The following KCTD2 variants were observed in gnomAD, a reference collection of about 807,000 sequenced individuals.
The protein encoded by KCTD2 is BTB/POZ domain-containing protein KCTD2.
In KCTD2, 18 loss-of-function variants were observed where a neutral mutation model predicts 27.9. The ratio of observed to expected loss-of-function variants is 0.64; its 90% CI spans 0.45 to 0.96. The LOEUF is 0.96. Ranked by LOEUF, KCTD2 falls within the 40% of genes least tolerant of loss-of-function variation. KCTD2 has a pLI of 0.00. For missense variants in KCTD2, 280 were observed against 348.0 expected (o/e 0.80, Z 1.56); for synonymous variants, 175 against 148.4 (o/e 1.18, Z -1.30).
At position 75,065,663 on chromosome 17, in the gene KCTD2, G is replaced by T. The variant is rs11538852; in HGVS notation, c.*2616G>T. ...AAAGTGACTTTGTTTCTGCACAGTT[G>T]TAACTGCTCTTGGGGATGTCAGTGA... On this transcript the variant is annotated 3_prime_UTR_variant, in exon 6 of 6. Coordinates refer to ENST00000322444, the MANE Select transcript of KCTD2 (RefSeq NM_015353.3). 12,718 of 152,236 alleles carry T rather than the reference G, an allele frequency of 0.084. 851 individuals carry two copies. Among genetic ancestry groups the T allele is most frequent in the African/African-American group, 0.18 (7,662 of 41,466 alleles). The allele number at this position is 152,236 out of a possible 1,614,324, so 9.4% of individuals were successfully genotyped here. A position where few individuals can be genotyped will look rare whatever the true frequency, so the allele number is the denominator to read the frequency against.
chr17:75,061,192 G>A (rs912786339), intron 4 of KCTD2, among the ~76,000 whole-genome samples: 6 of 152,298 alleles, frequency 3.9e-5, no homozygotes, highest in East Asian at 1.9e-4. Flanking sequence ...TCAGACAGGC[G>A]GAGGCGCCCC....
intron 1 of KCTD2, among the ~76,000 whole-genome samples, chr17:75,048,542 C>T (rs1480541440): frequency 6.6e-6 from 1 of 152,130 alleles, no homozygotes; most frequent in Non-Finnish European, 1.5e-5. Context: ...ATTTCAAAAC[C>T]CTTGCTTATA....
At chr17:75,039,080 T>C in intron 3 of KCTD2, 2 of 1,613,614 alleles carry the variant, frequency 1.2e-6, no homozygotes, top group Non-Finnish European at 1.7e-6. Context: ...AGAGGGGGAA[T>C]GTGTTTAGTT....
intron 2 of KCTD2, among the ~76,000 whole-genome samples, chr17:75,034,424 C>T (rs1451418551): frequency 3.9e-5 from 6 of 152,326 alleles, no homozygotes; most frequent in South Asian, 4.1e-4. Flanking sequence ...AGCACAGCCC[C>T]TCTCGACACC....
chr17:75,062,187 C>G lies in KCTD2; in HGVS notation c.704C>G (p.Ser235Cys), dbSNP rs1205379707. The G allele has an allele frequency of 1.2e-6, 2 of 1,613,764 alleles. No individual in the cohort carries two copies. Among genetic ancestry groups the G allele is most frequent in the Non-Finnish European group, 8.5e-7 (1 of 1,179,816 alleles). The change falls in exon 5 of 6, where the codon TCC (serine) becomes TGC (cysteine). Residue 235 changes from serine to cysteine, a missense_variant. Transcript: ENST00000322444. ...CAGGCAGAATTCCTCTGTGTTGTCT[C>G]CAGAGAACTAAATAATTCTACCAAT... ...EDQAEFLCVV[S>C]RELNNSTNGI...
intron 3 of KCTD2, chr17:75,040,185 A>G (rs2073145074): frequency 6.2e-7 from 1 of 1,611,448 alleles, no homozygotes; most frequent in Admixed American, 1.7e-5. Context: ...AGGGCACGGG[A>G]ACCTTCAGCG....
intron 1 of KCTD2, chr17:75,033,096 G>A (rs2040079765): frequency 6.6e-6 from 1 of 152,040 alleles, no homozygotes; most frequent in African/African-American, 2.4e-5. Context: ...TAAATCCTTC[G>A]GATGTGAGTA....
At chr17:75,060,554 G>A in intron 4 of KCTD2, 2 of 1,612,966 alleles carry the variant, frequency 1.2e-6, no homozygotes, top group Non-Finnish European at 1.7e-6. Context: ...CTTCTGTGTT[G>A]TCCTGGTTGA....
chr17:75,034,408 C>G (rs765903080), intron 2 of KCTD2, among the ~76,000 whole-genome samples: 3 of 152,172 alleles, frequency 2.0e-5, no homozygotes, highest in Non-Finnish European at 2.9e-5. Flanking sequence ...CAAAAGAAAC[C>G]TTGCGAGCAC....
upstream of KCTD2, among the ~76,000 whole-genome samples, chr17:75,042,891 A>G (rs1019506240): frequency 6.6e-6 from 1 of 151,926 alleles, no homozygotes; most frequent in Non-Finnish European, 1.5e-5. Flanking sequence ...AAAAAAAAAG[A>G]AAAAAAGACA....
intron 2 of KCTD2, among the ~76,000 whole-genome samples, chr17:75,050,459 C>T (rs530580124): frequency 6.6e-6 from 1 of 152,156 alleles, no homozygotes; most frequent in African/African-American, 2.4e-5. Context: ...GACAGGGTTT[C>T]ACCATGTTGA....
intron 5 of KCTD2, among the ~76,000 whole-genome samples, 184 bp from the exon 6 acceptor site, chr17:75,062,834 G>C (rs2073418117): frequency 6.6e-6 from 1 of 151,966 alleles, no homozygotes; most frequent in Non-Finnish European, 1.5e-5. Flanking sequence ...TTTAGACCCA[G>C]CTGTGCCCAG....
Position 75,053,155 on chromosome 17 carries a change from C to A in KCTD2, c.540+50C>A. 2.1e-6 allele frequency: 3 copies of A among 1,424,888 alleles called. No individual in the cohort carries two copies. In the South Asian group the frequency reaches 3.5e-5, roughly 16 times the overall value. The allele number at this position is 1,424,888 out of a possible 1,614,324, so 88.3% of individuals were successfully genotyped here. On this transcript the variant is annotated intron_variant, in intron 3 of 5. Coordinates refer to ENST00000322444, the MANE Select transcript of KCTD2 (RefSeq NM_015353.3). ...AGGGTTGTTTCAAGTGGGCTTCTGT[C>A]GGTCGGTCTGTGATTTGAAAAGGAT...
rs1350278934 is a variant in KCTD2, at chr17:75,064,258, A to G, written c.*1211A>G. 2 of 152,204 alleles carry G rather than the reference A, an allele frequency of 1.3e-5. No individual in the cohort carries two copies. The highest frequency in any genetic ancestry group is 2.9e-5 in the Non-Finnish European group (2 of 68,064). 9.4% of individuals were successfully genotyped at this position (152,204 alleles called of 1,614,324 possible). A position where few individuals can be genotyped will look rare whatever the true frequency, so the allele number is the denominator to read the frequency against. On this transcript the variant is annotated 3_prime_UTR_variant, in exon 6 of 6. Transcript: ENST00000322444. ...CTGCATCCACAGAGTTTGTGTCCAC[A>G]CTTTCTCTCCGAGCATGTGGGTCTC...
Position 75,047,517 on chromosome 17 carries a change from C to G in KCTD2, c.267C>G (p.Thr89=), listed in dbSNP as rs762298308. ...CCTACTTCGTGACCACCAGACAGAC[C>G]TTAGGCCGGGAGCCCAAGTCATTTC... ...GGTYFVTTRQ[T]LGREPKSFLC... Residue 89 remains threonine, a synonymous_variant, in exon 1 of 6, where the codon ACC becomes ACG. Coordinates refer to ENST00000322444, the MANE Select transcript of KCTD2 (RefSeq NM_015353.3). The G allele has an allele frequency of 6.2e-7, 1 of 1,611,738 alleles. No individual in the cohort carries two copies. The highest frequency in any genetic ancestry group is 8.5e-7 in the Non-Finnish European group (1 of 1,179,616).
In KCTD2 at chr17:75,062,150, G is replaced by A. The variant is rs374144823; in HGVS notation, c.667G>A (p.Gly223Ser). Residue 223 changes from glycine to serine, a missense_variant, in exon 5 of 6, where the codon GGC (glycine) becomes AGC (serine). Physicochemically the swap from Gly to Ser is moderately conservative, Grantham distance 56 (BLOSUM62 0). Transcript: ENST00000322444. ...CAGCATCGGATCTTCCTATAACTAC[G>A]GCAATGAGGATCAGGCAGAATTCCT... ...LISIGSSYNY[G>S]NEDQAEFLCV... The A allele has an allele frequency of 3.7e-6, 6 of 1,613,656 alleles. No homozygotes were observed. Among genetic ancestry groups the A allele is most frequent in the South Asian group, 2.2e-5 (2 of 91,042 alleles).
At chr17:75,054,143 G>A (rs12949352) in intron 3 of KCTD2, among the ~76,000 whole-genome samples, 12,280 of 151,486 alleles carry the variant, frequency 0.081, 783 homozygotes, top group African/African-American at 0.18. Context: ...TCAGCCTACC[G>A]AGTAGCTGGG....
Position 75,063,892 on chromosome 17 carries a change from A to G in KCTD2, c.*845A>G, listed in dbSNP as rs1242689167. ...CTGTCTTCCTTCCCTGGCTTTTTCA[A>G]CTGGACCAAAGATGAAGGCACTTAT... On this transcript the variant is annotated 3_prime_UTR_variant, in exon 6 of 6. Transcript: ENST00000322444. 1.3e-5 allele frequency: 2 copies of G among 152,718 alleles called. No homozygotes were observed. Among genetic ancestry groups the G allele is most frequent in the South Asian group, 2.1e-4 (1 of 4,832 alleles). 9.5% of individuals were successfully genotyped at this position (152,718 alleles called of 1,614,324 possible).
chr17:75,045,018 C>T (rs1023057898), upstream of KCTD2, among the ~76,000 whole-genome samples: 1 of 152,074 alleles, frequency 6.6e-6, no homozygotes, highest in Non-Finnish European at 1.5e-5. Flanking sequence ...GAACTTGCCC[C>T]GATAGTCACA....
Sources: gnomAD v4.1 joint callset for allele counts (sites outside exome capture counted in the v4.1 genomes callset) on GRCh38, gnomAD v4.1.1 for gene constraint, MANE v1.5 for transcripts, NCBI Gene and HGNC (gene_info 2026-07-23, HGNC 2026-07-21) for gene names.